Variants in ANGPT1 observed in about 807,000 individuals in gnomAD.
ANGPT1 encodes the protein angiopoietin-1.
A neutral mutation model predicts 62.2 loss-of-function variants in ANGPT1; 17 were observed. The ratio of observed to expected loss-of-function variants is 0.27; its 90% CI spans 0.19 to 0.41. The LOEUF (loss-of-function observed/expected upper bound fraction) is 0.41, where lower values mean the gene tolerates loss of function less well. Among genes scored for constraint, ANGPT1 ranks in the 10% least tolerant of loss-of-function variants. The pLI, the probability that ANGPT1 is intolerant of heterozygous loss-of-function variation, is 1.00. For synonymous variants in ANGPT1, 199 were observed against 198.9 expected (o/e 1.00, Z 0.00); for missense variants, 478 against 594.9 (o/e 0.80, Z 2.04).
intron 1 of ANGPT1, among the ~76,000 whole-genome samples, chr8:107,372,554 G>T (rs1232492733): frequency 6.6e-6 from 1 of 151,944 alleles, no homozygotes; most frequent in Non-Finnish European, 1.5e-5. Flanking sequence ...AGATAACTAA[G>T]ATTTGGCCAT....
intron 1 of ANGPT1, among the ~76,000 whole-genome samples, chr8:107,454,955 T>A (rs1251014698): frequency 6.6e-6 from 1 of 152,024 alleles, no homozygotes; most frequent in Non-Finnish European, 1.5e-5. Context: ...TAAAATGAAG[T>A]GGTTTGGAAA....
At chr8:107,389,893 C>T (rs1449077782) in intron 1 of ANGPT1, among the ~76,000 whole-genome samples, 1 of 151,516 alleles carries the variant, frequency 6.6e-6, no homozygotes, top group Non-Finnish European at 1.5e-5. Context: ...GTACATTCTT[C>T]ATTCTTACAT....
chr8:107,271,216 A>T (rs1813726371), intron 7 of ANGPT1, among the ~76,000 whole-genome samples: 1 of 152,068 alleles, frequency 6.6e-6, no homozygotes, highest in Non-Finnish European at 1.5e-5. Flanking sequence ...TCTAGCTCTT[A>T]TTCTTTCTGA....
At chr8:107,259,861 T>C (rs766775687) in intron 8 of ANGPT1, among the ~76,000 whole-genome samples, 106 of 152,200 alleles carry the variant, frequency 7.0e-4, no homozygotes, top group Non-Finnish European at 9.0e-4. Context: ...TGTGACAATC[T>C]AGTAACAAAA....
chr8:107,465,685 A>G (rs1318383934), intron 1 of ANGPT1, among the ~76,000 whole-genome samples: 1 of 152,164 alleles, frequency 6.6e-6, no homozygotes, highest in East Asian at 1.9e-4. Context: ...ACTAAATAGC[A>G]TCCCTCAAGA....
chr8:107,413,567 A>G (rs756363213), intron 1 of ANGPT1, among the ~76,000 whole-genome samples: 11 of 150,442 alleles, frequency 7.3e-5, no homozygotes, highest in Non-Finnish European at 1.3e-4. Flanking sequence ...TTAAAATAAT[A>G]AATATTAAAA....
chr8:107,428,274 C>T (rs959026804), intron 1 of ANGPT1, among the ~76,000 whole-genome samples: 5 of 152,132 alleles, frequency 3.3e-5, no homozygotes, highest in African/African-American at 9.7e-5. Context: ...GAATTCAGTT[C>T]GTGTGGGTAT....
chr8:107,265,969 CA>C (rs1263016881), intron 7 of ANGPT1, among the ~76,000 whole-genome samples: 1 of 152,056 alleles, frequency 6.6e-6, no homozygotes, highest in Non-Finnish European at 1.5e-5. Flanking sequence ...TGAGCCAGAG[CA>C]AAGTATACAA....
intron 4 of ANGPT1, among the ~76,000 whole-genome samples, chr8:107,313,795 T>C (rs1814943346): frequency 6.6e-6 from 1 of 152,158 alleles, no homozygotes; most frequent in African/African-American, 2.4e-5. Flanking sequence ...GAAAATCTTA[T>C]GCTAAAAATA....
chr8:107,286,137 A>G (rs531255730), intron 6 of ANGPT1, among the ~76,000 whole-genome samples: 1 of 152,270 alleles, frequency 6.6e-6, no homozygotes, highest in African/African-American at 2.4e-5. Flanking sequence ...TAAAGTGCCC[A>G]ACTGGGTCAC....
chr8:107,396,517 C>CTTTTTTTTTTTTTTTTTTTTTTT (rs10686360), intron 1 of ANGPT1, among the ~76,000 whole-genome samples: 2 of 84,830 alleles, frequency 2.4e-5, no homozygotes, highest in Non-Finnish European at 4.3e-5. Flanking sequence ...TCTTTTCTCT[C>CTTTTTTTTTTTTTTTTTTTTTTT]TTTTTTTTTT....
chr8:107,283,479 A>G (rs1174674193), intron 7 of ANGPT1, among the ~76,000 whole-genome samples: 1 of 152,174 alleles, frequency 6.6e-6, no homozygotes, highest in African/African-American at 2.4e-5. Context: ...ATCCATTAAA[A>G]TGAAATGAGT....
Position 107,257,870 on chromosome 8 carries a change from G to GTTTTTTTTTTTTTTTTTT in ANGPT1, c.1337-5856_1337-5855insAAAAAAAAAAAAAAAAAA, listed in dbSNP as rs750634420. 1.1e-3 allele frequency among the ~76,000 whole-genome samples: 51 copies of GTTTTTTTTTTTTTTTTTT among 45,192 alleles called. 4 individuals are homozygous for GTTTTTTTTTTTTTTTTTT. The highest frequency in any genetic ancestry group is 1.5e-3 in the African/African-American group (18 of 12,196). 29.6% of individuals were successfully genotyped at this position (45,192 alleles called of 152,430 possible). A position where few individuals can be genotyped will look rare whatever the true frequency, so the allele number is the denominator to read the frequency against. On this transcript the variant is annotated intron_variant, in intron 8 of 8. Coordinates refer to ENST00000517746, the MANE Select transcript of ANGPT1 (RefSeq NM_001146.5). ...TATATCCTCTTCAGGCCAAGGACTT[G>GTTTTTTTTTTTTTTTTTT]TTTTTGTTTCTTTTTTGTTTGTTTG...
Position 107,303,366 on chromosome 8 carries a change from A to G in ANGPT1, c.810T>C (p.Val270=). 6.4e-7 allele frequency: 1 copy of G among 1,568,620 alleles called. No individual in the cohort carries two copies. Reference sequence around the variant, plus strand: ...CCTCTCTTTTTCCTCCCTTTAGTAAAACTGCAAAAAAAAAAAAAAAGATTG... The same window carrying G: ...CCTCTCTTTTTCCTCCCTTTAGTAAGACTGCAAAAAAAAAAAAAAAGATTG... ...NLVNLCTKEG[V]LLKGGKREEE... Residue 270 remains valine (V), a splice_region_variant and synonymous_variant, in exon 5 of 9, where the codon GTT becomes GTC. Transcript: ENST00000517746.
At chr8:107,466,458 T>C (rs1231249611) in intron 1 of ANGPT1, among the ~76,000 whole-genome samples, 3 of 152,108 alleles carry the variant, frequency 2.0e-5, no homozygotes, top group South Asian at 2.1e-4. Context: ...GCTAGTGTTA[T>C]CTATTGCTCC....
chr8:107,432,197 C>A (rs1208593423), intron 1 of ANGPT1, among the ~76,000 whole-genome samples: 1 of 151,392 alleles, frequency 6.6e-6, no homozygotes, highest in Non-Finnish European at 1.5e-5. Context: ...CTTCACTTTC[C>A]CCCAAAGACA....
intron 1 of ANGPT1, among the ~76,000 whole-genome samples, chr8:107,355,539 C>T (rs1280990998): frequency 6.6e-6 from 1 of 151,458 alleles, no homozygotes; most frequent in Admixed American, 6.6e-5. Context: ...GACCCTCCCA[C>T]CCTACATGTA....
At chr8:107,307,370 A>T (rs556789021) in intron 4 of ANGPT1, among the ~76,000 whole-genome samples, 91 of 152,186 alleles carry the variant, frequency 6.0e-4, no homozygotes, top group African/African-American at 2.1e-3. Flanking sequence ...TAGACTGCAA[A>T]CACTGAGTCA....
chr8:107,493,539 A>G (rs1458006647), intron 1 of ANGPT1, among the ~76,000 whole-genome samples: 4 of 150,676 alleles, frequency 2.7e-5, no homozygotes, highest in Non-Finnish European at 4.4e-5. Flanking sequence ...TAGGACAAAA[A>G]TAACCATAGG....
Sources: allele counts gnomAD v4.1 joint callset (sites outside exome capture counted in the v4.1 genomes callset), GRCh38; gene constraint gnomAD v4.1.1; transcripts MANE v1.5; gene names NCBI Gene and HGNC (gene_info 2026-07-23, HGNC 2026-07-21).